CREB3L3: variants seen among roughly 807,000 people sequenced by gnomAD.
CREB3L3 encodes cAMP responsive element binding protein 3 like 3, also known as cyclic AMP-responsive element-binding protein 3-like protein 3.
Under a neutral mutation model 44.6 loss-of-function variants are expected in CREB3L3, and 40 were observed. The observed-to-expected ratio is 0.90, with a 90% CI of 0.70 to 1.17. CREB3L3 has a LOEUF of 1.17. Ranked by LOEUF, CREB3L3 falls within the 50% of genes most tolerant of loss-of-function variation. The probability of loss-of-function intolerance (pLI) is 0.00; values close to 1 mark genes in which losing one functional copy is unlikely to be tolerated. For missense variants in CREB3L3, 578 were observed against 595.8 expected (o/e 0.97, Z 0.31); for synonymous variants, 273 against 256.3 (o/e 1.06, Z -0.62).
chr19:4,155,128 T>G, intron 2 of CREB3L3, 101 bp downstream of exon 2: 2 of 1,459,162 alleles, frequency 1.4e-6, no homozygotes, highest in Non-Finnish European at 1.9e-6. Context: ...GCCAGAGCTC[T>G]GCTCAGCTCT....
chr19:4,166,262 T>C (rs1379898374), intron 5 of CREB3L3, among the ~76,000 whole-genome samples: 1 of 151,568 alleles, frequency 6.6e-6, no homozygotes, highest in Admixed American at 6.6e-5. Flanking sequence ...CTAATTTTTT[T>C]TTTTTTCCTG....
At chr19:4,156,512 T>C (rs1174282383) in intron 2 of CREB3L3, among the ~76,000 whole-genome samples, 1 of 146,436 alleles carries the variant, frequency 6.8e-6, no homozygotes, top group Admixed American at 6.9e-5. Context: ...TTTTCTTTTT[T>C]TTTTTTTTTT....
rs569330442 is a variant in CREB3L3 at position 4,159,335 on chromosome 19, G to C, written c.458-329G>C. On this transcript the variant is annotated intron_variant, in intron 3 of 9. Transcript: ENST00000078445. ...CCGGCTAATTTTTGTATTTTTAATA[G>C]AGATGGGATTTCACCATGTTGGCCA... Among the ~76,000 whole-genome samples the C allele has an allele frequency of 4.8e-5, 7 of 145,830 alleles. No homozygotes were observed. In the South Asian group the frequency reaches 1.5e-3, roughly 32 times the overall value.
At chr19:4,167,025 C>T (rs775696271) in intron 5 of CREB3L3, among the ~76,000 whole-genome samples, 10 of 152,110 alleles carry the variant, frequency 6.6e-5, no homozygotes, top group Admixed American at 1.3e-4. Context: ...TGAACCACCG[C>T]GCCCAGCCTG....
At chr19:4,160,612 G>C (rs1344693513) in intron 4 of CREB3L3, among the ~76,000 whole-genome samples, 1 of 151,976 alleles carries the variant, frequency 6.6e-6, no homozygotes, top group African/African-American at 2.4e-5. Context: ...CTGGAGTGCA[G>C]TGGTGCAATC....
At chr19:4,163,413 G>T (rs573553207) in intron 4 of CREB3L3, among the ~76,000 whole-genome samples, 1 of 151,792 alleles carries the variant, frequency 6.6e-6, no homozygotes, top group South Asian at 2.1e-4. Context: ...TTTTGCGCGT[G>T]TGTGAGGATA....
intron 3 of CREB3L3, 36 bp from the exon 4 acceptor site, chr19:4,159,628 A>G: frequency 1.0e-6 from 1 of 964,362 alleles, no homozygotes; most frequent in East Asian, 2.4e-5. Context: ...CCCGTCTGAC[A>G]CTCTCCCTGT....
chr19:4,165,944 C>T (rs1223442224), intron 5 of CREB3L3, among the ~76,000 whole-genome samples: 3 of 152,068 alleles, frequency 2.0e-5, no homozygotes, highest in Admixed American at 1.3e-4. Flanking sequence ...AACTCAATTA[C>T]TTGAATGTCC....
At chr19:4,163,328 A>AAAGG (rs1254068917) in intron 4 of CREB3L3, among the ~76,000 whole-genome samples, 1 of 135,698 alleles carries the variant, frequency 7.4e-6, no homozygotes, top group African/African-American at 2.7e-5. Context: ...AAGAAGAAAG[A>AAAGG]AAAGAAAGAA....
In CREB3L3 at chr19:4,171,829, G is replaced by A; in HGVS notation, c.1246G>A (p.Glu416Lys). The A allele has an allele frequency of 6.2e-7, 1 of 1,613,700 alleles. No homozygotes were observed. Among genetic ancestry groups the A allele is most frequent in the South Asian group, 1.1e-5 (1 of 91,088 alleles). The change falls in exon 10 of 10, where the codon GAG becomes AAG. Residue 416 changes from glutamate to lysine, a missense_variant. Coordinates refer to ENST00000078445, the MANE Select transcript of CREB3L3 (RefSeq NM_032607.3). The surrounding 1 kb of genome is among the most constrained non-coding windows in gnomAD (Gnocchi z 4.9). ...CACCGCGAACCTGACCAATTCGACG[G>A]AGGAGCTGGACAACGCCACCCTGGT... The part of the protein sequence containing the change: ...QDTANLTNST[E>K]ELDNATLVLR...
At chr19:4,154,534 T>C (rs2041547818) in intron 1 of CREB3L3, among the ~76,000 whole-genome samples, 1 of 152,032 alleles carries the variant, frequency 6.6e-6, no homozygotes, top group Non-Finnish European at 1.5e-5. Flanking sequence ...CGCAGCCAGC[T>C]AATTTTTTTA....
intron 5 of CREB3L3, among the ~76,000 whole-genome samples, chr19:4,167,352 A>AACAAAG (rs1555703935): frequency 3.1e-5 from 4 of 130,144 alleles, no homozygotes; most frequent in African/African-American, 5.9e-5. Flanking sequence ...GAAAGAAAGA[A>AACAAAG]AGAGAGAGAG....
chr19:4,167,498 GAAAGAGAA>G (rs1356040711), intron 5 of CREB3L3, among the ~76,000 whole-genome samples: 3 of 119,564 alleles, frequency 2.5e-5, no homozygotes, highest in African/African-American at 6.3e-5. Flanking sequence ...GAGAGAAAGA[GAAAGAGAA>G]AGAGAGAAAG....
intron 5 of CREB3L3, among the ~76,000 whole-genome samples, chr19:4,166,563 A>AT (rs377234051): frequency 0.062 from 8,170 of 131,320 alleles, 716 homozygotes; most frequent in African/African-American, 0.21. Context: ...TGCGCCCAGC[A>AT]TTTTTTTTTT....
chr19:4,167,494 A>AAG (rs140872525), intron 5 of CREB3L3, among the ~76,000 whole-genome samples: 2 of 129,606 alleles, frequency 1.5e-5, no homozygotes, highest in East Asian at 2.5e-4. Flanking sequence ...GAAAGAGAGA[A>AAG]AGAGAAAGAG....
intron 4 of CREB3L3, among the ~76,000 whole-genome samples, chr19:4,161,934 C>T (rs2041666669): frequency 6.6e-6 from 1 of 152,200 alleles, no homozygotes; most frequent in African/African-American, 2.4e-5. Flanking sequence ...GGCAGTACTT[C>T]AGCAGGCCAT....
Position 4,167,355 on chromosome 19 carries a change from AG to A in CREB3L3, c.715-995del, listed in dbSNP as rs1568283664. Among the ~76,000 whole-genome samples, 1,218 of 126,028 alleles carry A rather than the reference AG, an allele frequency of 9.7e-3. 12 individuals are homozygous for A. The highest frequency in any genetic ancestry group is 0.012 in the Non-Finnish European group (707 of 59,212). The allele number at this position is 126,028 out of a possible 152,430, so 82.7% of individuals were successfully genotyped here. ...CGAAACAAGAAAGAAAGAAAGAAAG[AG>A]AGAGAGAGAGAGAGAGAGAAAAGGA... On this transcript the variant is annotated intron_variant, in intron 5 of 9. Coordinates refer to ENST00000078445, the MANE Select transcript of CREB3L3 (RefSeq NM_032607.3).
intron 5 of CREB3L3, among the ~76,000 whole-genome samples, chr19:4,167,571 A>C (rs1479333478): frequency 1.3e-5 from 2 of 151,730 alleles, no homozygotes; most frequent in South Asian, 2.1e-4. Flanking sequence ...GGGAAAAGAA[A>C]GGAAAGAAAA....
intron 2 of CREB3L3, 55 bp from the exon 3 acceptor site, chr19:4,156,940 A>G: frequency 6.3e-7 from 1 of 1,587,738 alleles, no homozygotes; most frequent in Non-Finnish European, 8.6e-7. Flanking sequence ...CCACACACTA[A>G]TCTAAAAAGA....
Sources: allele counts gnomAD v4.1 joint callset (sites outside exome capture counted in the v4.1 genomes callset), GRCh38; gene constraint gnomAD v4.1.1; non-coding constraint Gnocchi (gnomAD v3.1); transcripts MANE v1.5; gene names NCBI Gene and HGNC (gene_info 2026-07-23, HGNC 2026-07-21).